The following FNDC7 variants were observed in gnomAD, a reference collection of about 807,000 sequenced individuals.
FNDC7 encodes the protein fibronectin type III domain-containing protein 7.
In FNDC7, 66 loss-of-function variants were observed where a neutral mutation model predicts 74.2. The observed-to-expected ratio is 0.89, with a 90% CI of 0.73 to 1.09. The LOEUF (loss-of-function observed/expected upper bound fraction) is 1.09. Ranked by LOEUF, FNDC7 falls within the 50% of genes least tolerant of loss-of-function variation. The probability of loss-of-function intolerance (pLI) is 0.00; values close to 1 mark genes in which losing one functional copy is unlikely to be tolerated. For synonymous variants in FNDC7, 307 were observed against 330.2 expected (o/e 0.93, Z 0.76); for missense variants, 829 against 893.4 (o/e 0.93, Z 0.92).
At chr1:108,731,542 G>A (rs1010204301) in intron 9 of FNDC7, among the ~76,000 whole-genome samples, 1 of 152,198 alleles carries the variant, frequency 6.6e-6, no homozygotes, top group African/African-American at 2.4e-5. Context: ...ATGCTTCCTA[G>A]GCTTAAGGAG....
Position 108,715,856 on chromosome 1 carries a change from C to T in FNDC7, c.83-1921C>T, listed in dbSNP as rs547512630. On this transcript the variant is annotated intron_variant, in intron 2 of 12. Coordinates refer to ENST00000370017, the MANE Select transcript of FNDC7 (RefSeq NM_001144937.3). Reference sequence around the variant, plus strand: ...AGAGGTAAAATGACTTGCATGCCTTCACACACAAAAGTAAATAGCAGGGCC... The same window carrying T: ...AGAGGTAAAATGACTTGCATGCCTTTACACACAAAAGTAAATAGCAGGGCC... Among the ~76,000 whole-genome samples, 18 of 152,318 alleles carry T rather than the reference C, an allele frequency of 1.2e-4. No individual in the cohort carries two copies. The South Asian group carries it at 3.3e-3, about 28-fold the overall frequency.
chr1:108,719,193 T>C, intron 4 of FNDC7, 144 bp downstream of exon 4: 2 of 922,494 alleles, frequency 2.2e-6, no homozygotes, highest in Non-Finnish European at 3.2e-6. Flanking sequence ...AAGTTATTTA[T>C]AGTGCCTTGT....
At position 108,733,387 on chromosome 1, in the gene FNDC7, AG is replaced by A; in HGVS notation, c.1997del (p.Gly666AlafsTer27). The A allele has an allele frequency of 6.2e-7, 1 of 1,614,154 alleles. No individual in the cohort carries two copies. Among genetic ancestry groups the A allele is most frequent in the South Asian group, 1.1e-5 (1 of 91,074 alleles). On this transcript the variant is annotated frameshift_variant, in exon 10 of 13. Transcript: ENST00000370017. LOFTEE classifies it high-confidence loss of function. The stretch of plus-strand genomic sequence containing the variant: ...ACAGCACTGACCTCTATGGCTCCAA[AG>A]GCATTTTCACGTGCACCCCGAGTGC... ...NYSTDLYGSKGIFTCTPSAGL... is the reference protein window; with the variant it reads ...NYSTDLYGSKXIFTCTPSAGL...
chr1:108,722,252 C>T (rs1174608290), intron 4 of FNDC7, 83 bp from the exon 5 acceptor site: 8 of 1,351,984 alleles, frequency 5.9e-6, no homozygotes, highest in African/African-American at 2.9e-5. Context: ...ACCTTATCCT[C>T]CAGGCTCTGC....
At position 108,733,445 on chromosome 1, in the gene FNDC7, C is replaced by A. The variant is rs778504218; in HGVS notation, c.2053C>A (p.Pro685Thr). The A allele has an allele frequency of 1.6e-5, 26 of 1,613,964 alleles. No individual in the cohort carries two copies. The South Asian group carries it at 2.7e-4, about 17-fold the overall frequency. ...CAGTTTCTGTGATGTCACTGAGATACCCTGTGGGGATGTATACACTGTGAT... is the reference window on the plus strand; with the variant it reads ...CAGTTTCTGTGATGTCACTGAGATAACCTGTGGGGATGTATACACTGTGAT... ...GLSFCDVTEI[P>T]CGDVYTVMVS... The change falls in exon 10 of 13, where the codon CCC (proline) becomes ACC (threonine). Residue 685 changes from proline (P) to threonine (T), a missense_variant. Physicochemically the swap from Pro to Thr is conservative, Grantham distance 38 (BLOSUM62 -1). Coordinates refer to ENST00000370017, the MANE Select transcript of FNDC7 (RefSeq NM_001144937.3).
chr1:108,735,050 C>G (rs1661477718), intron 10 of FNDC7, among the ~76,000 whole-genome samples: 1 of 152,154 alleles, frequency 6.6e-6, no homozygotes, highest in Non-Finnish European at 1.5e-5. Flanking sequence ...TCAAACCCCT[C>G]AGGGGCAAAA....
At position 108,737,515 on chromosome 1, in the gene FNDC7, C is replaced by A. The variant is rs1314945076; in HGVS notation, c.2161C>A (p.Leu721Ile). The stretch of plus-strand genomic sequence containing the variant: ...TACAGTAACTTGCTCTGGAAGTACA[C>A]TTGGAATGGGTAAGTCATTTTTCTC... ...IYSVTCSGST[L>I]GMVIYRGKRN... Residue 721 changes from leucine (L) to isoleucine (I), a missense_variant, in exon 11 of 13, where the codon CTT (leucine) becomes ATT (isoleucine). Physicochemically the swap from Leu to Ile is conservative, Grantham distance 5. Transcript: ENST00000370017. The A allele has an allele frequency of 5.7e-6, 9 of 1,591,490 alleles. No individual in the cohort carries two copies. The highest frequency in any genetic ancestry group is 1.4e-5 in the African/African-American group (1 of 73,314).
intron 2 of FNDC7, among the ~76,000 whole-genome samples, chr1:108,714,231 T>C (rs1660927939): frequency 6.6e-6 from 1 of 152,204 alleles, no homozygotes; most frequent in Non-Finnish European, 1.5e-5. Context: ...CTCATAGTGA[T>C]TCAACATAAA....
intron 2 of FNDC7, among the ~76,000 whole-genome samples, chr1:108,716,333 G>GTA (rs1201226702): frequency 7.1e-6 from 1 of 141,618 alleles, no homozygotes; most frequent in African/African-American, 2.6e-5. Context: ...GTGTGTGTGT[G>GTA]TGTGTGTGTG....
chr1:108,738,856 A>G (rs1288994554), intron 11 of FNDC7, among the ~76,000 whole-genome samples: 1 of 152,224 alleles, frequency 6.6e-6, no homozygotes, highest in Non-Finnish European at 1.5e-5. Flanking sequence ...ATGACTACAA[A>G]AAGGAACAGA....
At position 108,730,418 on chromosome 1, in the gene FNDC7, G is replaced by GA. The variant is rs34848956; in HGVS notation, c.1625-245dup. 2.0e-3 allele frequency among the ~76,000 whole-genome samples: 288 copies of GA among 146,458 alleles called. 3 individuals are homozygous for GA. The highest frequency in any genetic ancestry group is 5.7e-3 in the African/African-American group (228 of 40,058). ...CAACAAAGGATGTCTTTCTTATTCT[G>GA]AAAAAAAAAAATGGTGGAAACCTGC... On this transcript the variant is annotated intron_variant, in intron 8 of 12. Coordinates refer to ENST00000370017, the MANE Select transcript of FNDC7 (RefSeq NM_001144937.3).
At chr1:108,733,109 A>G (rs971391243) in intron 9 of FNDC7, among the ~76,000 whole-genome samples, 163 bp from the exon 10 acceptor site, 4 of 152,172 alleles carry the variant, frequency 2.6e-5, no homozygotes, top group Non-Finnish European at 5.9e-5. Flanking sequence ...CCACCATGGA[A>G]ATAACTCGAG....
chr1:108,720,259 CT>C lies in FNDC7; in HGVS notation c.598+1211del, dbSNP rs1353998924. ...CCACTGTGTGCTGGGCATAAGTTAG[CT>C]GATGGAAATACAAAAGCAAATAAAG... is the stretch of plus-strand genomic sequence containing the variant. On this transcript the variant is annotated intron_variant, in intron 4 of 12. Transcript: ENST00000370017. Among the ~76,000 whole-genome samples, 5 of 152,084 alleles carry C rather than the reference CT, an allele frequency of 3.3e-5. No homozygotes were observed. In the East Asian group the frequency reaches 9.6e-4, roughly 29 times the overall value.
intron 4 of FNDC7, among the ~76,000 whole-genome samples, chr1:108,720,236 A>C (rs1009523929): frequency 6.6e-6 from 1 of 151,656 alleles, no homozygotes; most frequent in Non-Finnish European, 1.5e-5. Flanking sequence ...TTGAGGGCCC[A>C]CTGTGTGCTG....
intron 11 of FNDC7, among the ~76,000 whole-genome samples, chr1:108,738,016 T>A (rs1191001756): frequency 2.0e-5 from 3 of 152,144 alleles, no homozygotes; most frequent in Non-Finnish European, 4.4e-5. Flanking sequence ...TTCTCAAACT[T>A]TATTGTGCAC....
intron 2 of FNDC7, among the ~76,000 whole-genome samples, chr1:108,715,663 G>A (rs1409123815): frequency 2.3e-5 from 1 of 43,772 alleles, no homozygotes; most frequent in African/African-American, 4.7e-5. Flanking sequence ...GCGCGTGCGT[G>A]CGCGCGCGCA....
At chr1:108,725,231 A>T (rs993032436) in intron 5 of FNDC7, among the ~76,000 whole-genome samples, 3 of 152,144 alleles carry the variant, frequency 2.0e-5, no homozygotes, top group East Asian at 3.8e-4. Context: ...CAACTTACCA[A>T]CCTCTATAAG....
At position 108,733,497 on chromosome 1, in the gene FNDC7, T is replaced by A. The variant is rs963914562; in HGVS notation, c.2105T>A (p.Leu702Ter). 12 of 1,613,626 alleles carry A rather than the reference T, an allele frequency of 7.4e-6. No homozygotes were observed. The African/African-American group carries it at 1.6e-4, about 22-fold the overall frequency. ...GTCTCACCAGTTGCTAAAACAGGAT[T>A]GAAGCTTACTTTCTGTCCAAAAAAA... ...VMVSPVAKTG[L>*]KLTFCPKKIY... Residue 702 changes from leucine (L) to a stop codon, truncating the protein, a stop_gained, in exon 10 of 13, where the codon TTG (leucine) becomes TAG (stop). Transcript: ENST00000370017. LOFTEE classifies it high-confidence loss of function.
At position 108,722,681 on chromosome 1, in the gene FNDC7, G is replaced by A. The variant is rs1661120790; in HGVS notation, c.856+89G>A. On this transcript the variant is annotated intron_variant, in intron 5 of 12. Transcript: ENST00000370017. ...CACTGACAATGTTTCTGAATACTCT[G>A]GAAAAAATGAAAATGAAAGCCTGGT... 2.2e-6 allele frequency: 3 copies of A among 1,378,678 alleles called. No homozygotes were observed. The South Asian group carries it at 5.0e-5, about 23-fold the overall frequency. The allele number at this position is 1,378,678 out of a possible 1,614,324, so 85.4% of individuals were successfully genotyped here. A position where few individuals can be genotyped will look rare whatever the true frequency, so the allele number is the denominator to read the frequency against.
Sources: allele counts gnomAD v4.1 joint callset (sites outside exome capture counted in the v4.1 genomes callset), GRCh38; gene constraint gnomAD v4.1.1; transcripts MANE v1.5; gene names NCBI Gene and HGNC (gene_info 2026-07-23, HGNC 2026-07-21).